BMP5: variants seen among roughly 807,000 people sequenced by gnomAD.
The protein encoded by BMP5 is bone morphogenetic protein 5.
Under a neutral mutation model 46.6 loss-of-function variants are expected in BMP5, and 23 were observed. The ratio of observed to expected loss-of-function variants is 0.49; its 90% confidence interval spans 0.35 to 0.70. BMP5 has a LOEUF of 0.70. Ranked by LOEUF, BMP5 falls within the 30% of genes least tolerant of loss-of-function variation. The probability of loss-of-function intolerance (pLI) is 0.00; values close to 1 mark genes in which losing one functional copy is unlikely to be tolerated. For synonymous variants in BMP5, 204 were observed against 191.9 expected (o/e 1.06, Z -0.52); for missense variants, 545 against 565.6 (o/e 0.96, Z 0.37).
At chr6:55,872,133 A>G (rs1429167630) in intron 1 of BMP5, among the ~76,000 whole-genome samples, 1 of 151,768 alleles carries the variant, frequency 6.6e-6, no homozygotes, top group Non-Finnish European at 1.5e-5. Context: ...GCTTTTTACT[A>G]AGCAGTGATC....
chr6:55,796,656 C>G (rs558551427), intron 2 of BMP5, among the ~76,000 whole-genome samples: 1 of 129,230 alleles, frequency 7.7e-6, no homozygotes, highest in African/African-American at 2.8e-5. Flanking sequence ...CCCCCTCCCC[C>G]CACCCCACAA....
At chr6:55,832,002 G>A (rs1776675509) in intron 1 of BMP5, among the ~76,000 whole-genome samples, 1 of 152,152 alleles carries the variant, frequency 6.6e-6, no homozygotes, top group African/African-American at 2.4e-5. Flanking sequence ...CAACGGCTGT[G>A]CTCCAAGTAT....
chr6:55,851,289 CAG>C (rs1279987587), intron 1 of BMP5, among the ~76,000 whole-genome samples: 2 of 152,024 alleles, frequency 1.3e-5, no homozygotes, highest in Non-Finnish European at 2.9e-5. Flanking sequence ...AAACAGAAAA[CAG>C]AGCTTACTTG....
chr6:55,753,952 A>G lies in BMP5; in HGVS notation c.*1581T>C, dbSNP rs1220724311. 6.6e-6 allele frequency: 1 copy of G among 152,036 alleles called. No individual in the cohort carries two copies. Among genetic ancestry groups the G allele is most frequent in the East Asian group, 1.9e-4 (1 of 5,172 alleles). The allele number at this position is 152,036 out of a possible 1,614,324, so 9.4% of individuals were successfully genotyped here. On this transcript the variant is annotated 3_prime_UTR_variant, in exon 7 of 7. Transcript: ENST00000370830. Reference sequence around the variant, plus strand: ...TTTCTTATTCTCTCAATGGTACACCATTAATTAAAAATATATTACTTAATG... The same window carrying G: ...TTTCTTATTCTCTCAATGGTACACCGTTAATTAAAAATATATTACTTAATG...
chr6:55,773,286 C>G (rs73744903), intron 4 of BMP5, among the ~76,000 whole-genome samples: 3,482 of 151,942 alleles, frequency 0.023, 142 homozygotes, highest in African/African-American at 0.08. Flanking sequence ...AATTTTTGAA[C>G]TAAAATAGCC....
intron 1 of BMP5, among the ~76,000 whole-genome samples, chr6:55,863,585 A>G (rs1320337898): frequency 2.0e-5 from 3 of 152,158 alleles, no homozygotes; most frequent in Non-Finnish European, 4.4e-5. Flanking sequence ...TATTCCTTTA[A>G]TTATCACTGC....
In BMP5 at chr6:55,874,711, T is replaced by C. The variant is rs1444548218; in HGVS notation, c.155A>G (p.Gln52Arg). The change falls in exon 1 of 7, where the codon CAA becomes CGA. Residue 52 changes from glutamine to arginine, a missense_variant. Transcript: ENST00000370830. Reference protein sequence around the residue: ...RLRNHERREIQREILSILGLP... With the variant: ...RLRNHERREIRREILSILGLP... ...ACCCAAGATAGAGAGAATTTCCCTTTGTATTTCCCGTCTTTCGTGGTTCCG... is the reference window on the plus strand; with the variant it reads ...ACCCAAGATAGAGAGAATTTCCCTTCGTATTTCCCGTCTTTCGTGGTTCCG... 2 of 1,613,540 alleles carry C rather than the reference T, an allele frequency of 1.2e-6. No homozygotes were observed. The highest frequency in any genetic ancestry group is 2.7e-5 in the African/African-American group (2 of 74,866).
Position 55,754,225 on chromosome 6 carries a change from C to T in BMP5, c.*1308G>A, listed in dbSNP as rs181890832. On this transcript the variant is annotated 3_prime_UTR_variant, in exon 7 of 7. Coordinates refer to ENST00000370830, the MANE Select transcript of BMP5 (RefSeq NM_021073.4). Reference sequence around the variant, plus strand: ...AGTTATCAATCTAAAGATCATTCTTCAAAAAGTCAGTGTGTGTTAAAGAAA... The same window carrying T: ...AGTTATCAATCTAAAGATCATTCTTTAAAAAGTCAGTGTGTGTTAAAGAAA... 179 of 151,820 alleles carry T rather than the reference C, an allele frequency of 1.2e-3. No individual in the cohort carries two copies. The highest frequency in any genetic ancestry group is 4.2e-3 in the African/African-American group (173 of 41,440). 9.4% of individuals were successfully genotyped at this position (151,820 alleles called of 1,614,324 possible). A position where few individuals can be genotyped will look rare whatever the true frequency, so the allele number is the denominator to read the frequency against.
At chr6:55,784,194 C>G (rs1264731017) in intron 3 of BMP5, among the ~76,000 whole-genome samples, 45 of 151,758 alleles carry the variant, frequency 3.0e-4, no homozygotes, top group Non-Finnish European at 7.4e-5. Flanking sequence ...CATATGTTAC[C>G]TGCTTTGGGA....
rs11340072 is a variant in BMP5 at position 55,851,137 on chromosome 6, CTTTT to C, written c.490+23235_490+23238del. ...TTTTGTTTTGTTTTGTTTTGTTTTG[CTTTT>C]TTTTTTTTTTTACTTTAATAGAATA... On this transcript the variant is annotated intron_variant, in intron 1 of 6. Coordinates refer to ENST00000370830, the MANE Select transcript of BMP5 (RefSeq NM_021073.4). Among the ~76,000 whole-genome samples the C allele has an allele frequency of 7.3e-3, 1,020 of 140,530 alleles. 16 individuals carry two copies. The highest frequency in any genetic ancestry group is 0.023 in the African/African-American group (887 of 39,248). 92.2% of individuals were successfully genotyped at this position (140,530 alleles called of 152,430 possible).
chr6:55,793,763 T>C (rs1775630870), intron 3 of BMP5, among the ~76,000 whole-genome samples: 1 of 152,186 alleles, frequency 6.6e-6, no homozygotes, highest in Non-Finnish European at 1.5e-5. Context: ...TTGTGACTCA[T>C]TCCATCCCCA....
rs373254223 is a variant in BMP5 at position 55,753,900 on chromosome 6, T to C, written c.*1633A>G. 6.6e-6 allele frequency: 1 copy of C among 151,982 alleles called. No individual in the cohort carries two copies. The highest frequency in any genetic ancestry group is 1.5e-5 in the Non-Finnish European group (1 of 67,934). The allele number at this position is 151,982 out of a possible 1,614,324, so 9.4% of individuals were successfully genotyped here. On this transcript the variant is annotated 3_prime_UTR_variant, in exon 7 of 7. Transcript: ENST00000370830. ...TATGGAAATATATTTAAACAGCACA[T>C]TTAAAGAATAAAACAATAGACTTCC... is the stretch of plus-strand genomic sequence containing the variant.
chr6:55,770,800 C>A (rs937898821), intron 4 of BMP5, among the ~76,000 whole-genome samples: 1 of 151,788 alleles, frequency 6.6e-6, no homozygotes, highest in East Asian at 1.9e-4. Context: ...AATATTGTGT[C>A]TCAGGGAATA....
chr6:55,827,149 T>C (rs1382505872), intron 1 of BMP5, among the ~76,000 whole-genome samples: 1 of 151,724 alleles, frequency 6.6e-6, no homozygotes, highest in African/African-American at 2.4e-5. Context: ...GTTGGGTGTA[T>C]TGACTTGTTT....
chr6:55,870,352 T>C (rs947301584), intron 1 of BMP5, among the ~76,000 whole-genome samples: 14 of 152,116 alleles, frequency 9.2e-5, no homozygotes, highest in African/African-American at 3.4e-4. Flanking sequence ...GAAGTGTTGT[T>C]GAAGAAGAGA....
intron 2 of BMP5, among the ~76,000 whole-genome samples, chr6:55,815,287 T>G (rs1776232073): frequency 6.6e-6 from 1 of 152,042 alleles, no homozygotes; most frequent in Non-Finnish European, 1.5e-5. Flanking sequence ...GAAGATAAAG[T>G]AACAATCATA....
Position 55,755,147 on chromosome 6 carries a change from T to G in BMP5, c.*386A>C, listed in dbSNP as rs998918228. On this transcript the variant is annotated 3_prime_UTR_variant, in exon 7 of 7. Transcript: ENST00000370830. ...TATCATGGTTTTCATTGGCACAATA[T>G]AACTAAATTATTCAATTTCCTTCCA... The G allele has an allele frequency of 6.5e-6, 1 of 154,270 alleles. No homozygotes were observed. Among genetic ancestry groups the G allele is most frequent in the African/African-American group, 2.4e-5 (1 of 41,452 alleles). 9.6% of individuals were successfully genotyped at this position (154,270 alleles called of 1,614,324 possible).
At chr6:55,817,926 A>T (rs1478719444) in intron 2 of BMP5, among the ~76,000 whole-genome samples, 1 of 152,184 alleles carries the variant, frequency 6.6e-6, no homozygotes, top group Non-Finnish European at 1.5e-5. Context: ...CATCATATTG[A>T]TGGTCTTCTG....
At chr6:55,842,098 T>C (rs1428731086) in intron 1 of BMP5, among the ~76,000 whole-genome samples, 1 of 152,224 alleles carries the variant, frequency 6.6e-6, no homozygotes, top group African/African-American at 2.4e-5. Context: ...GAATGATATG[T>C]TGCAGAGAGT....
Sources: allele counts gnomAD v4.1 joint callset (sites outside exome capture counted in the v4.1 genomes callset), GRCh38; gene constraint gnomAD v4.1.1; transcripts MANE v1.5; gene names NCBI Gene and HGNC (gene_info 2026-07-23, HGNC 2026-07-21).